Variants in MINDY2 observed in about 807,000 individuals in gnomAD.
The protein encoded by MINDY2 is MINDY lysine 48 deubiquitinase 2.
In MINDY2, 52 loss-of-function variants were observed where a neutral mutation model predicts 68.2. That is an observed-to-expected ratio of 0.76 (90% CI 0.61 to 0.96). The LOEUF (loss-of-function observed/expected upper bound fraction) is 0.96. Ranked by LOEUF, MINDY2 falls within the 40% of genes least tolerant of loss-of-function variation. MINDY2 has a pLI of 0.00. For missense variants in MINDY2, 881 were observed against 773.4 expected, an observed-to-expected ratio of 1.14 and a Z score of -1.65; for synonymous variants, 372 against 303.0, an observed-to-expected ratio of 1.23 and a Z score of -2.36.
At chr15:58,783,870 G>A (rs978709696) in intron 1 of MINDY2, among the ~76,000 whole-genome samples, 4 of 152,078 alleles carry the variant, frequency 2.6e-5, no homozygotes, top group Admixed American at 6.6e-5. Flanking sequence ...ACCTGAGCCC[G>A]GGGAGGTTGA....
At chr15:58,852,933 T>TTGTTTG (rs2032897411) in intron 8 of MINDY2, among the ~76,000 whole-genome samples, 1 of 24,226 alleles carries the variant, frequency 4.1e-5, no homozygotes, top group Admixed American at 5.7e-4. Context: ...TTTTTTTTTT[T>TTGTTTG]TTTTTTTTTT....
chr15:58,838,103 T>C (rs1011530086), intron 6 of MINDY2, among the ~76,000 whole-genome samples: 1 of 151,674 alleles, frequency 6.6e-6, no homozygotes. Flanking sequence ...ATTCAAGATA[T>C]ACTTTCAGGC....
chr15:58,824,611 A>C (rs1211752191), intron 5 of MINDY2, among the ~76,000 whole-genome samples: 2 of 152,160 alleles, frequency 1.3e-5, no homozygotes, highest in African/African-American at 4.8e-5. Context: ...TGGAAAATAA[A>C]AGACCGTAAT....
At chr15:58,799,349 C>T (rs1165633250) in intron 2 of MINDY2, among the ~76,000 whole-genome samples, 2 of 152,102 alleles carry the variant, frequency 1.3e-5, no homozygotes, top group South Asian at 2.1e-4. Flanking sequence ...AGGCGGATCA[C>T]GAGGTCGGGA....
intron 7 of MINDY2, 142 bp downstream of exon 7, chr15:58,847,612 G>T (rs574276663): frequency 1.6e-6 from 1 of 625,924 alleles, no homozygotes; most frequent in South Asian, 2.9e-5. Flanking sequence ...AATAGTTGGT[G>T]ATCATTCTAC....
At chr15:58,844,561 A>T (rs1162832906) in intron 6 of MINDY2, among the ~76,000 whole-genome samples, 2 of 7,718 alleles carry the variant, frequency 2.6e-4, no homozygotes, top group African/African-American at 3.4e-4. Context: ...CTCCGTCTCA[A>T]AAAAAAAAAA....
chr15:58,820,644 C>T (rs1164688001), intron 4 of MINDY2, among the ~76,000 whole-genome samples: 1 of 151,998 alleles, frequency 6.6e-6, no homozygotes, highest in African/African-American at 2.4e-5. Flanking sequence ...TCTCAAACTT[C>T]GCTATGCATC....
At chr15:58,833,439 A>C (rs552920072) in intron 6 of MINDY2, among the ~76,000 whole-genome samples, 1 of 152,332 alleles carries the variant, frequency 6.6e-6, no homozygotes, top group African/African-American at 2.4e-5. Flanking sequence ...AGTATAGAGA[A>C]AGAAAAAAGG....
At chr15:58,791,186 A>G (rs1325514226) in intron 2 of MINDY2, among the ~76,000 whole-genome samples, 1 of 138,556 alleles carries the variant, frequency 7.2e-6, no homozygotes, top group African/African-American at 2.6e-5. Flanking sequence ...TCTCAAAAAA[A>G]AAAAAAGGGA....
At chr15:58,826,225 CTTT>C (rs34666834) in intron 5 of MINDY2, among the ~76,000 whole-genome samples, 3 of 98,180 alleles carry the variant, frequency 3.1e-5, no homozygotes, top group Admixed American at 1.2e-4. Flanking sequence ...TTCACACAAT[CTTT>C]TTTTTTTTTT....
chr15:58,849,588 T>C (rs1595784203), intron 7 of MINDY2, among the ~76,000 whole-genome samples: 1 of 152,178 alleles, frequency 6.6e-6, no homozygotes, highest in African/African-American at 2.4e-5. Context: ...GAGATTGTTA[T>C]CTGGAAGCAG....
intron 4 of MINDY2, among the ~76,000 whole-genome samples, chr15:58,819,764 T>G (rs2030940974): frequency 6.6e-6 from 1 of 152,168 alleles, no homozygotes; most frequent in Non-Finnish European, 1.5e-5. Flanking sequence ...TTGAGGAAAA[T>G]AACATCTGAA....
chr15:58,772,031 C>G lies in MINDY2; in HGVS notation c.636C>G (p.Pro212=). ...PEEEEGAAVL[P]GAVPLCKEEE... ...AGGAGGAGGGCGCGGCGGTGTTGCCCGGGGCTGTTCCTCTGTGCAAGGAGG... is the reference window on the plus strand; with the variant it reads ...AGGAGGAGGGCGCGGCGGTGTTGCCGGGGGCTGTTCCTCTGTGCAAGGAGG... Residue 212 remains proline (P), a synonymous_variant, in exon 1 of 9, where the codon CCC becomes CCG. Coordinates refer to ENST00000559228, the MANE Select transcript of MINDY2 (RefSeq NM_001040450.3). 1 of 1,602,076 alleles carries G rather than the reference C, an allele frequency of 6.2e-7. No homozygotes were observed. Among genetic ancestry groups the G allele is most frequent in the Non-Finnish European group, 8.5e-7 (1 of 1,173,974 alleles).
intron 2 of MINDY2, among the ~76,000 whole-genome samples, chr15:58,788,166 G>A (rs1219669226): frequency 2.6e-5 from 4 of 152,122 alleles, no homozygotes; most frequent in Non-Finnish European, 5.9e-5. Context: ...TTAAAATTCT[G>A]TAATACCCAT....
At chr15:58,848,988 T>G (rs1254990306) in intron 7 of MINDY2, among the ~76,000 whole-genome samples, 1 of 151,886 alleles carries the variant, frequency 6.6e-6, no homozygotes, top group Non-Finnish European at 1.5e-5. Flanking sequence ...GGCAGGTGGA[T>G]CACCTGAGGT....
intron 8 of MINDY2, among the ~76,000 whole-genome samples, chr15:58,853,486 T>C (rs1368232942): frequency 6.6e-6 from 1 of 152,100 alleles, no homozygotes; most frequent in Non-Finnish European, 1.5e-5. Flanking sequence ...ATACACTTAT[T>C]CCAAACTCCC....
chr15:58,784,971 A>ATT, intron 1 of MINDY2, among the ~76,000 whole-genome samples: 1 of 151,764 alleles, frequency 6.6e-6, no homozygotes, highest in East Asian at 1.9e-4. Context: ...AAATTTAGAA[A>ATT]ATCAGACAGA....
intron 5 of MINDY2, among the ~76,000 whole-genome samples, chr15:58,827,753 A>T (rs1459194410): frequency 1.3e-5 from 2 of 151,900 alleles, no homozygotes; most frequent in African/African-American, 2.4e-5. Context: ...TGCCTGGCCT[A>T]TTCAGTGTAT....
chr15:58,775,260 C>A (rs1484521603), intron 1 of MINDY2, among the ~76,000 whole-genome samples: 1 of 151,954 alleles, frequency 6.6e-6, no homozygotes, highest in Non-Finnish European at 1.5e-5. Flanking sequence ...AGATAGATAT[C>A]CACATAGATG....
Sources: allele counts gnomAD v4.1 joint callset (sites outside exome capture counted in the v4.1 genomes callset), GRCh38; gene constraint gnomAD v4.1.1; transcripts MANE v1.5; gene names NCBI Gene and HGNC (gene_info 2026-07-23, HGNC 2026-07-21).